Variants in FOXN3 observed in about 807,000 individuals in gnomAD.
The protein encoded by FOXN3 is forkhead box N3, also known as forkhead box protein N3.
In FOXN3, 7 loss-of-function variants were observed where a neutral mutation model predicts 38.4. The observed-to-expected ratio is 0.18, with a 90% CI of 0.10 to 0.34. The LOEUF (loss-of-function observed/expected upper bound fraction) is 0.34. Ranked by LOEUF, FOXN3 falls within the 10% of genes least tolerant of loss-of-function variation. FOXN3 has a pLI of 1.00. For missense variants in FOXN3, 456 were observed against 613.4 expected (o/e 0.74, Z 2.71); for synonymous variants, 230 against 242.2 (o/e 0.95, Z 0.47).
chr14:89,209,012 G>A (rs1281680529), intron 4 of FOXN3, among the ~76,000 whole-genome samples: 5 of 152,086 alleles, frequency 3.3e-5, no homozygotes, highest in African/African-American at 7.2e-5. Context: ...ACCACGCAAC[G>A]ACAAACACAC....
chr14:89,401,212 C>T lies in FOXN3; in HGVS notation c.543+10722G>A, dbSNP rs535092660. Among the ~76,000 whole-genome samples the T allele has an allele frequency of 3.2e-4, 48 of 151,732 alleles. 1 individual carries two copies. Among genetic ancestry groups the T allele is most frequent in the African/African-American group, 1.1e-3 (44 of 41,330 alleles). On this transcript the variant is annotated intron_variant, in intron 2 of 5. Transcript: ENST00000557258. ...ATCCCAGCACTTTGGGAGGTTGAGG[C>T]GGGCGGATCACCTGAGGTCAGGAGT...
intron 3 of FOXN3, among the ~76,000 whole-genome samples, chr14:89,310,115 G>C (rs769987624): frequency 1.3e-5 from 2 of 152,234 alleles, no homozygotes; most frequent in Non-Finnish European, 2.9e-5. Flanking sequence ...CTAGTGCAGA[G>C]TGGGCATAAT....
chr14:89,411,124 C>T (rs1403067109), intron 2 of FOXN3, among the ~76,000 whole-genome samples: 1 of 152,114 alleles, frequency 6.6e-6, no homozygotes, highest in Non-Finnish European at 1.5e-5. Context: ...AGCACAAACC[C>T]TACTGTGAAC....
intron 1 of FOXN3, among the ~76,000 whole-genome samples, chr14:89,433,485 CA>C (rs1334986770): frequency 2.7e-5 from 4 of 150,350 alleles, no homozygotes; most frequent in Non-Finnish European, 4.4e-5. Flanking sequence ...CCATCTCAAA[CA>C]AACAAACAAA....
In FOXN3 at chr14:89,156,956, A is replaced by G. The variant is rs1886994267; in HGVS notation, c.*5458T>C. ...AGGCCACAGTCATGAAAGGATGAAT[A>G]CAATTTCTAGGTTTAATAGGTTCAC... On this transcript the variant is annotated 3_prime_UTR_variant, in exon 6 of 6. Transcript: ENST00000557258. 6.5e-6 allele frequency: 1 copy of G among 152,674 alleles called. No individual in the cohort carries two copies. Among genetic ancestry groups the G allele is most frequent in the Non-Finnish European group, 1.5e-5 (1 of 68,052 alleles). The allele number at this position is 152,674 out of a possible 1,614,324, so 9.5% of individuals were successfully genotyped here.
intron 1 of FOXN3, among the ~76,000 whole-genome samples, chr14:89,475,033 C>T (rs1893183476): frequency 6.6e-6 from 1 of 152,072 alleles, no homozygotes; most frequent in South Asian, 2.1e-4. Context: ...CCAGGCTGGT[C>T]TCGAACTCCT....
intron 1 of FOXN3, among the ~76,000 whole-genome samples, chr14:89,415,502 A>G (rs936329437): frequency 6.6e-6 from 1 of 151,204 alleles, no homozygotes; most frequent in Admixed American, 6.6e-5. Flanking sequence ...GTACTCTCCA[A>G]CCACTCACTG....
chr14:89,458,588 T>C (rs10148535), intron 1 of FOXN3, among the ~76,000 whole-genome samples: 14,997 of 152,190 alleles, frequency 0.099, 1,053 homozygotes, highest in African/African-American at 0.19. Flanking sequence ...AACTGGGAGT[T>C]TGGTTATTAT....
At chr14:89,390,907 G>A (rs1890925729) in intron 2 of FOXN3, among the ~76,000 whole-genome samples, 1 of 152,044 alleles carries the variant, frequency 6.6e-6, no homozygotes, top group Non-Finnish European at 1.5e-5. Context: ...TAGGAAAGAG[G>A]GTCACTGAGA....
chr14:89,189,457 CTATTTCCTCACTACCG>C (rs1162694527), intron 4 of FOXN3, among the ~76,000 whole-genome samples: 3 of 152,342 alleles, frequency 2.0e-5, no homozygotes, highest in African/African-American at 7.2e-5. Context: ...CTTCATGTCA[CTATTTCCTCACTACCG>C]TGTTTCATCA....
At chr14:89,368,760 T>C (rs1307191878) in intron 2 of FOXN3, among the ~76,000 whole-genome samples, 1 of 152,088 alleles carries the variant, frequency 6.6e-6, no homozygotes, top group East Asian at 1.9e-4. Context: ...AGCATACCTG[T>C]TTCTAAAGCC....
intron 1 of FOXN3, among the ~76,000 whole-genome samples, chr14:89,455,595 G>T (rs980123578): frequency 1.3e-5 from 2 of 152,116 alleles, no homozygotes; most frequent in Non-Finnish European, 2.9e-5. Context: ...TGAGTGAGCC[G>T]GCCACAGCCA....
intron 3 of FOXN3, among the ~76,000 whole-genome samples, chr14:89,345,392 A>C (rs1393420092): frequency 6.6e-6 from 1 of 152,072 alleles, no homozygotes; most frequent in Non-Finnish European, 1.5e-5. Context: ...TTACAAAGAT[A>C]GCACAGAAAG....
chr14:89,550,958 A>C (rs551782534), intron 1 of FOXN3, among the ~76,000 whole-genome samples: 1 of 152,194 alleles, frequency 6.6e-6, no homozygotes, highest in Non-Finnish European at 1.5e-5. Flanking sequence ...ACAGTCTTCT[A>C]CTTCTTGTTG....
intron 1 of FOXN3, among the ~76,000 whole-genome samples, chr14:89,554,650 A>G (rs1279371489): frequency 6.6e-6 from 1 of 152,218 alleles, no homozygotes; most frequent in African/African-American, 2.4e-5. Context: ...ACTTCTCAAC[A>G]GCAAAAGAAC....
chr14:89,608,915 G>C (rs1896334883), intron 1 of FOXN3, among the ~76,000 whole-genome samples: 1 of 152,208 alleles, frequency 6.6e-6, no homozygotes, highest in Non-Finnish European at 1.5e-5. Context: ...TGCTGGGAAG[G>C]AAGGCTCACT....
intron 3 of FOXN3, among the ~76,000 whole-genome samples, chr14:89,308,618 A>G (rs1887446400): frequency 6.6e-6 from 1 of 152,220 alleles, no homozygotes; most frequent in African/African-American, 2.4e-5. Context: ...AAGAAGCAGA[A>G]TCTGGCCCCA....
intron 1 of FOXN3, among the ~76,000 whole-genome samples, chr14:89,481,412 C>T (rs1451556893): frequency 1.3e-5 from 2 of 151,970 alleles, no homozygotes; most frequent in Non-Finnish European, 2.9e-5. Context: ...CTTCCCGGCT[C>T]GTCTTCTCAT....
chr14:89,300,321 T>C (rs1424507222), intron 3 of FOXN3, among the ~76,000 whole-genome samples: 1 of 152,050 alleles, frequency 6.6e-6, no homozygotes, highest in African/African-American at 2.4e-5. Flanking sequence ...TAGTTGGGAT[T>C]ACAGGCACCC....
Sources: allele counts gnomAD v4.1 joint callset (sites outside exome capture counted in the v4.1 genomes callset), GRCh38; gene constraint gnomAD v4.1.1; transcripts MANE v1.5; gene names NCBI Gene and HGNC (gene_info 2026-07-23, HGNC 2026-07-21).